The following LOC400499 variants were observed in gnomAD, a reference collection of about 807,000 sequenced individuals.
the LOC400499 span, chr16:11,450,760 G>C: frequency 6.5e-7 from 1 of 1,536,146 alleles, no homozygotes; most frequent in South Asian, 1.2e-5. Context: ...AGCTCGGTGT[G>C]GCCAGTATAG....
the LOC400499 span, among the ~76,000 whole-genome samples, chr16:11,474,002 C>T: frequency 0.34 from 51,666 of 151,996 alleles, 9,641 homozygotes; most frequent in African/African-American, 0.47. Context: ...CACTGGTGCA[C>T]GCCACCATGC....
the LOC400499 span, among the ~76,000 whole-genome samples, chr16:11,474,779 G>A: frequency 6.6e-6 from 1 of 152,218 alleles, no homozygotes; most frequent in South Asian, 2.1e-4. Flanking sequence ...TGAGATGGGA[G>A]GACCACTTGA....
At chr16:11,443,956 TC>T in the LOC400499 span, among the ~76,000 whole-genome samples, 4 of 152,024 alleles carry the variant, frequency 2.6e-5, no homozygotes, top group South Asian at 8.3e-4. Context: ...TGCCTAAGCC[TC>T]CGGGGTAGCT....
At chr16:11,525,151 G>A in the LOC400499 span, among the ~76,000 whole-genome samples, 5 of 152,024 alleles carry the variant, frequency 3.3e-5, no homozygotes, top group Non-Finnish European at 7.4e-5. Context: ...GGGCGTGGTG[G>A]TGCACACCTG....
At chr16:11,380,897 T>C in the LOC400499 span, 1 of 155,458 alleles carries the variant, frequency 6.4e-6, no homozygotes, top group African/African-American at 2.4e-5. Context: ...GCACCTCCTG[T>C]CTTGGCACTT....
the LOC400499 span, among the ~76,000 whole-genome samples, chr16:11,512,455 C>T: frequency 0.59 from 89,490 of 151,464 alleles, 26,838 homozygotes; most frequent in Admixed American, 0.66. Flanking sequence ...ACACAAAAAT[C>T]AGCCAGGCAT....
the LOC400499 span, among the ~76,000 whole-genome samples, chr16:11,507,866 C>G: frequency 6.6e-6 from 1 of 151,868 alleles, no homozygotes; most frequent in Non-Finnish European, 1.5e-5. Flanking sequence ...CCAGGGAGGT[C>G]AAGGCTGCAG....
At chr16:11,478,413 G>A in the LOC400499 span, 4 of 397,814 alleles carry the variant, frequency 1.0e-5, no homozygotes, top group African/African-American at 4.1e-5. Context: ...GCTTCGAGGA[G>A]GTAAACGGAA....
chr16:11,497,952 G>A, the LOC400499 span, among the ~76,000 whole-genome samples: 5 of 152,056 alleles, frequency 3.3e-5, no homozygotes, highest in Non-Finnish European at 7.4e-5. Flanking sequence ...TTTTAAAGAT[G>A]GAAAAATAAA....
the LOC400499 span, among the ~76,000 whole-genome samples, chr16:11,507,428 G>C: frequency 6.6e-6 from 1 of 152,162 alleles, no homozygotes; most frequent in Non-Finnish European, 1.5e-5. Context: ...GAGAAACCCT[G>C]CTTTGGGCCA....
chr16:11,424,605 A>G, the LOC400499 span, among the ~76,000 whole-genome samples: 1 of 152,248 alleles, frequency 6.6e-6, no homozygotes, highest in South Asian at 2.1e-4. Flanking sequence ...GCAGCCGGTG[A>G]TAAGACCCAT....
chr16:11,401,581 G>C, the LOC400499 span, among the ~76,000 whole-genome samples: 1 of 152,240 alleles, frequency 6.6e-6, no homozygotes, highest in Admixed American at 6.5e-5. Flanking sequence ...TTTCACAGAG[G>C]AGGAAATCCA....
the LOC400499 span, among the ~76,000 whole-genome samples, chr16:11,468,307 G>T: frequency 8.4e-3 from 1,283 of 152,264 alleles, 19 homozygotes; most frequent in African/African-American, 0.029. Context: ...TAACTTACAA[G>T]TTATACCTTT....
chr16:11,461,074 A>T, the LOC400499 span: 1 of 1,536,078 alleles, frequency 6.5e-7, no homozygotes, highest in Non-Finnish European at 8.7e-7. Flanking sequence ...CTCGGCACCC[A>T]GGGCGGCCAC....
chr16:11,486,113 A>C, the LOC400499 span, among the ~76,000 whole-genome samples: 45,367 of 146,930 alleles, frequency 0.31, 7,668 homozygotes, highest in African/African-American at 0.43. Context: ...GATGAATGAT[A>C]CATGGGTAGA....
chr16:11,515,944 G>C, the LOC400499 span: 1 of 393,392 alleles, frequency 2.5e-6, no homozygotes, highest in South Asian at 1.3e-4. Flanking sequence ...CTCCAGGCAG[G>C]GCCTGAGAAT....
the LOC400499 span, chr16:11,446,485 G>A: frequency 1.4e-6 from 2 of 1,418,294 alleles, no homozygotes; most frequent in Non-Finnish European, 9.6e-7. Context: ...ATCCTATTGA[G>A]CGATGACAGC....
At chr16:11,393,241 A>G in the LOC400499 span, 1 of 475,336 alleles carries the variant, frequency 2.1e-6, no homozygotes, top group South Asian at 1.1e-4. Context: ...CAATTCACCC[A>G]TCTCGGCCTC....
At chr16:11,378,679 TTTTC>T in the LOC400499 span, among the ~76,000 whole-genome samples, 1 of 152,246 alleles carries the variant, frequency 6.6e-6, no homozygotes, top group African/African-American at 2.4e-5. Flanking sequence ...TTTTTCCTTA[TTTTC>T]TTTCTTTGAT....
Sources: gnomAD v4.1 joint callset for allele counts (sites outside exome capture counted in the v4.1 genomes callset) on GRCh38, gnomAD v4.1.1 for gene constraint, MANE v1.5 for transcripts.